The following FAF1 variants were observed in gnomAD, a reference collection of about 807,000 sequenced individuals.
FAF1 encodes Fas associated factor 1.
Under a neutral mutation model 92.5 loss-of-function variants are expected in FAF1, and 25 were observed. That is an observed-to-expected ratio of 0.27 (90% CI 0.20 to 0.38). The LOEUF is 0.38. Ranked by LOEUF, FAF1 falls within the 10% of genes least tolerant of loss-of-function variation. The pLI is 1.00. For missense variants in FAF1, 636 were observed against 793.3 expected, an observed-to-expected ratio of 0.80 and a Z score of 2.38; for synonymous variants, 234 against 273.2, an observed-to-expected ratio of 0.86 and a Z score of 1.42.
At chr1:50,953,100 C>G (rs1406856974) in intron 1 of FAF1, among the ~76,000 whole-genome samples, 2 of 152,188 alleles carry the variant, frequency 1.3e-5, no homozygotes, top group African/African-American at 4.8e-5. Context: ...TACCCCCAAT[C>G]CCGTGCTCTC....
chr1:50,451,475 A>G (rs557176784), intron 18 of FAF1, among the ~76,000 whole-genome samples: 5 of 152,370 alleles, frequency 3.3e-5, no homozygotes, highest in Admixed American at 2.0e-4. Context: ...ATGCACAGGC[A>G]GGAAGTGGCA....
At chr1:50,597,459 C>T (rs3850874) in intron 8 of FAF1, among the ~76,000 whole-genome samples, 74,399 of 151,568 alleles carry the variant, frequency 0.49, 20,350 homozygotes, top group African/African-American at 0.72. Context: ...AAAAAATGCC[C>T]ATAGAATTTG....
At position 50,857,948 on chromosome 1, in the gene FAF1, T is replaced by C. The variant is rs758344440; in HGVS notation, c.95A>G (p.Gln32Arg). ...NIDEAITLLE[Q>R]NNWDLVAAIN... ...ACTTACCACTAAGTCCCAATTATTT[T>C]GTTCAAGCAATGTAATAGCTTCGTC... The change falls in exon 2 of 19, where the codon CAA becomes CGA. Residue 32 changes from glutamine to arginine, a missense_variant. Physicochemically the swap from Gln to Arg is conservative, Grantham distance 43. Coordinates refer to ENST00000396153, the MANE Select transcript of FAF1 (RefSeq NM_007051.3). 2 of 1,599,700 alleles carry C rather than the reference T, an allele frequency of 1.3e-6. No homozygotes were observed. The highest frequency in any genetic ancestry group is 1.7e-6 in the Non-Finnish European group (2 of 1,173,014).
chr1:50,521,518 T>C (rs1647498129), intron 15 of FAF1, among the ~76,000 whole-genome samples: 1 of 152,224 alleles, frequency 6.6e-6, no homozygotes, highest in African/African-American at 2.4e-5. Flanking sequence ...TTAGAAGGTT[T>C]CAATTTTTAT....
chr1:50,517,506 T>C (rs1025482681), intron 15 of FAF1, among the ~76,000 whole-genome samples: 3 of 152,336 alleles, frequency 2.0e-5, no homozygotes, highest in African/African-American at 4.8e-5. Context: ...TGCATGTTAA[T>C]AGCAGGTAGG....
At chr1:50,870,940 C>T (rs1448868724) in intron 1 of FAF1, among the ~76,000 whole-genome samples, 1 of 152,046 alleles carries the variant, frequency 6.6e-6, no homozygotes. Context: ...GGTTTTTTTG[C>T]ACCAAATAGC....
intron 12 of FAF1, among the ~76,000 whole-genome samples, chr1:50,578,097 A>G (rs1328994583): frequency 6.6e-6 from 1 of 152,210 alleles, no homozygotes; most frequent in African/African-American, 2.4e-5. Context: ...TTGTAATCCC[A>G]CCACTCCAAT....
intron 14 of FAF1, 59 bp downstream of exon 14, chr1:50,539,533 A>C: frequency 7.8e-7 from 1 of 1,274,530 alleles, no homozygotes; most frequent in Non-Finnish European, 1.1e-6. Flanking sequence ...TTGGGTGGAA[A>C]AACTATAAAG....
intron 5 of FAF1, 94 bp from the exon 6 acceptor site, chr1:50,739,048 A>C: frequency 1.2e-6 from 1 of 805,926 alleles, no homozygotes; most frequent in Non-Finnish European, 2.0e-6. Context: ...TTAATTTTGT[A>C]GTTTTTTTTA....
chr1:50,705,817 A>C lies in FAF1; in HGVS notation c.626T>G (p.Leu209Arg). ...THREVQREYN[L>R]NFSGSSTIQE... The stretch of plus-strand genomic sequence containing the variant: ...AATAGTACTGCTTCCTGAGAAGTTC[A>C]GGTTGTACTCCCGCTGGACTTCTCG... The change falls in exon 7 of 19, where the codon CTG becomes CGG. Residue 209 changes from leucine to arginine, a missense_variant. Physicochemically the swap from Leu to Arg is moderately radical, Grantham distance 102 (BLOSUM62 -2). Around this residue, in one of 2 missense-constraint regions of FAF1, gnomAD observed 317 missense variants for 342.4 expected, o/e 0.93. Coordinates refer to ENST00000396153, the MANE Select transcript of FAF1 (RefSeq NM_007051.3). 6.2e-7 allele frequency: 1 copy of C among 1,610,660 alleles called. No individual in the cohort carries two copies. The highest frequency in any genetic ancestry group is 8.5e-7 in the Non-Finnish European group (1 of 1,177,160).
chr1:50,801,591 C>G (rs1661991269), intron 3 of FAF1, 40 bp downstream of exon 3: 1 of 1,172,074 alleles, frequency 8.5e-7, no homozygotes, highest in African/African-American at 1.5e-5. Flanking sequence ...GTTCTTTGTT[C>G]TGCTAAGTCA....
At chr1:50,467,010 C>T (rs1001300713) in intron 18 of FAF1, among the ~76,000 whole-genome samples, 1 of 152,190 alleles carries the variant, frequency 6.6e-6, no homozygotes, top group Admixed American at 6.5e-5. Context: ...CCCACGCCAG[C>T]AGGGATCTAT....
intron 6 of FAF1, among the ~76,000 whole-genome samples, chr1:50,725,752 G>A (rs1005156303): frequency 2.0e-5 from 3 of 152,016 alleles, no homozygotes; most frequent in African/African-American, 7.2e-5. Flanking sequence ...CACCACACCT[G>A]GCCAAAAAGC....
intron 2 of FAF1, among the ~76,000 whole-genome samples, chr1:50,834,463 G>A (rs920145282): frequency 4.3e-4 from 66 of 152,220 alleles, no homozygotes; most frequent in Non-Finnish European, 5.9e-4. Flanking sequence ...GGAAAGACAG[G>A]TAAGAGGTCA....
chr1:50,753,184 C>G (rs975539761), intron 4 of FAF1, among the ~76,000 whole-genome samples: 1 of 152,192 alleles, frequency 6.6e-6, no homozygotes, highest in African/African-American at 2.4e-5. Context: ...ATACCATCCC[C>G]AACCTCTTCC....
chr1:50,942,249 C>T (rs938977057), intron 1 of FAF1, among the ~76,000 whole-genome samples: 5 of 152,208 alleles, frequency 3.3e-5, no homozygotes, highest in African/African-American at 1.2e-4. Flanking sequence ...GCCTGTAATG[C>T]CAATACTTTG....
intron 18 of FAF1, among the ~76,000 whole-genome samples, chr1:50,467,602 C>T (rs1007765939): frequency 9.2e-5 from 14 of 152,094 alleles, no homozygotes; most frequent in South Asian, 6.2e-4. Flanking sequence ...CATGAGCCAC[C>T]ATGCTCAGCC....
chr1:50,688,995 G>C, intron 7 of FAF1, among the ~76,000 whole-genome samples: 1 of 152,098 alleles, frequency 6.6e-6, no homozygotes, highest in Admixed American at 6.6e-5. Context: ...ACAGAAAGTA[G>C]AGTCATGGTT....
intron 8 of FAF1, among the ~76,000 whole-genome samples, chr1:50,618,414 G>GTT (rs540421778): frequency 0.078 from 8,737 of 111,800 alleles, 621 homozygotes; most frequent in Non-Finnish European, 0.11. Flanking sequence ...AGTTTTTAGA[G>GTT]TTTTTTTTTT....
Sources: gnomAD v4.1 joint callset for allele counts (sites outside exome capture counted in the v4.1 genomes callset) on GRCh38, gnomAD v4.1.1 for gene constraint, gnomAD v4.1.1 regional missense constraint, MANE v1.5 for transcripts, NCBI Gene and HGNC (gene_info 2026-07-23, HGNC 2026-07-21) for gene names.